The following ENTREP2 variants were observed in gnomAD, a reference collection of about 807,000 sequenced individuals.
ENTREP2 encodes the protein endosomal transmembrane epsin interactor 2.
chr15:29,241,890 A>G, the ENTREP2 span, among the ~76,000 whole-genome samples: 3 of 152,078 alleles, frequency 2.0e-5, no homozygotes, highest in African/African-American at 7.2e-5. Flanking sequence ...CAAAAAATTA[A>G]AAAATTAGCT....
the ENTREP2 span, among the ~76,000 whole-genome samples, chr15:29,600,902 C>CCTTTTTTTTTTTTTTTTTTTTT: frequency 2.4e-5 from 3 of 123,622 alleles, no homozygotes; most frequent in African/African-American, 1.1e-4. Flanking sequence ...ATTTTTCTTT[C>CCTTTTTTTTTTTTTTTTTTTTT]TTTTTTTTTT....
At chr15:29,661,632 T>C in the ENTREP2 span, among the ~76,000 whole-genome samples, 3 of 152,202 alleles carry the variant, frequency 2.0e-5, no homozygotes, top group African/African-American at 7.2e-5. Context: ...AGGTTGACTG[T>C]TACAATTCAG....
the ENTREP2 span, among the ~76,000 whole-genome samples, chr15:29,529,016 A>C: frequency 6.7e-6 from 1 of 149,726 alleles, no homozygotes; most frequent in Non-Finnish European, 1.5e-5. Context: ...TTCCAATTAT[A>C]CTCTTTCTAG....
the ENTREP2 span, among the ~76,000 whole-genome samples, chr15:29,392,127 CT>C: frequency 4.6e-5 from 7 of 151,232 alleles, no homozygotes; most frequent in African/African-American, 1.7e-4. Context: ...TGTGCCCGGC[CT>C]TTTTTTGTAT....
the ENTREP2 span, among the ~76,000 whole-genome samples, chr15:29,391,600 T>C: frequency 6.6e-6 from 1 of 152,130 alleles, no homozygotes; most frequent in Non-Finnish European, 1.5e-5. Flanking sequence ...ATGCACATTC[T>C]CTCTTAAGTG....
At chr15:29,178,998 T>A in the ENTREP2 span, among the ~76,000 whole-genome samples, 1 of 152,346 alleles carries the variant, frequency 6.6e-6, no homozygotes, top group South Asian at 2.1e-4. Flanking sequence ...GCTATCATCT[T>A]TGCAGAACTG....
chr15:29,509,718 G>A, the ENTREP2 span, among the ~76,000 whole-genome samples: 1 of 152,086 alleles, frequency 6.6e-6, no homozygotes, highest in Non-Finnish European at 1.5e-5. Flanking sequence ...AACTGAAACT[G>A]GACCCCTTCC....
the ENTREP2 span, among the ~76,000 whole-genome samples, chr15:29,225,266 G>A: frequency 6.6e-6 from 1 of 152,272 alleles, no homozygotes; most frequent in Non-Finnish European, 1.5e-5. Context: ...GAGGCGCCCA[G>A]AGCCAGAGAG....
chr15:29,602,260 G>GA, the ENTREP2 span, among the ~76,000 whole-genome samples: 2 of 152,058 alleles, frequency 1.3e-5, no homozygotes, highest in African/African-American at 4.8e-5. Flanking sequence ...CCTTGTGTAT[G>GA]AAAAAATACT....
At chr15:29,157,769 G>A in the ENTREP2 span, among the ~76,000 whole-genome samples, 2 of 145,872 alleles carry the variant, frequency 1.4e-5, no homozygotes, top group African/African-American at 5.1e-5. Flanking sequence ...TCGCTGTGTC[G>A]CCCAGGCTGG....
chr15:29,269,485 G>T, the ENTREP2 span: 29 of 1,610,626 alleles, frequency 1.8e-5, no homozygotes, highest in Non-Finnish European at 2.2e-5. Flanking sequence ...CACGGCGGGG[G>T]CGGCCTGGGC....
the ENTREP2 span, among the ~76,000 whole-genome samples, chr15:29,414,710 G>A: frequency 3.3e-5 from 5 of 152,136 alleles, no homozygotes; most frequent in Admixed American, 3.3e-4. Flanking sequence ...GAATCCAGGA[G>A]CTGGTTTTCT....
the ENTREP2 span, chr15:29,136,477 C>T: frequency 1.9e-5 from 30 of 1,548,174 alleles, no homozygotes; most frequent in African/African-American, 8.2e-5. Context: ...CGAATGGAGA[C>T]GGAGCAAAGT....
the ENTREP2 span, among the ~76,000 whole-genome samples, chr15:29,552,380 A>C: frequency 6.6e-6 from 1 of 152,218 alleles, no homozygotes; most frequent in Non-Finnish European, 1.5e-5. Context: ...GAAAAACTAA[A>C]AGTAGACTCT....
At chr15:29,421,719 T>C in the ENTREP2 span, among the ~76,000 whole-genome samples, 2 of 152,226 alleles carry the variant, frequency 1.3e-5, no homozygotes, top group African/African-American at 4.8e-5. Context: ...CTGATCATTT[T>C]ACATTTAACT....
chr15:29,640,852 C>T, the ENTREP2 span, among the ~76,000 whole-genome samples: 1 of 152,068 alleles, frequency 6.6e-6, no homozygotes, highest in East Asian at 1.9e-4. Flanking sequence ...AGCCCAATAC[C>T]AAAAACAAAG....
the ENTREP2 span, among the ~76,000 whole-genome samples, chr15:29,163,029 C>A: frequency 6.6e-6 from 1 of 152,166 alleles, no homozygotes; most frequent in Non-Finnish European, 1.5e-5. Context: ...GCTGGGCAGA[C>A]TTACTGCGTG....
the ENTREP2 span, among the ~76,000 whole-genome samples, chr15:29,651,464 C>T: frequency 1.3e-5 from 2 of 152,210 alleles, no homozygotes; most frequent in Non-Finnish European, 2.9e-5. Flanking sequence ...ACAGGCAGGC[C>T]TGGGCCTCCC....
the ENTREP2 span, among the ~76,000 whole-genome samples, chr15:29,562,124 G>T: frequency 6.6e-6 from 1 of 152,206 alleles, no homozygotes; most frequent in East Asian, 1.9e-4. Context: ...AGAATGCAAG[G>T]CCTGTGCCCT....
Sources: allele counts gnomAD v4.1 joint callset (sites outside exome capture counted in the v4.1 genomes callset), GRCh38; gene constraint gnomAD v4.1.1; transcripts MANE v1.5; gene names NCBI Gene and HGNC (gene_info 2026-07-23, HGNC 2026-07-21).